SLC35F1: variants seen among roughly 807,000 people sequenced by gnomAD.
SLC35F1 encodes the protein chromosome 6 open reading frame 169.
A neutral mutation model predicts 48.7 loss-of-function variants in SLC35F1; 14 were observed. The ratio of observed to expected loss-of-function variants is 0.29; its 90% CI spans 0.19 to 0.45. SLC35F1 has a LOEUF of 0.45. Among genes scored for constraint, SLC35F1 ranks in the 20% least tolerant of loss-of-function variants. SLC35F1 has a pLI of 1.00. For missense variants in SLC35F1, 404 were observed against 500.0 expected (o/e 0.81, Z 1.83); for synonymous variants, 190 against 202.2 (o/e 0.94, Z 0.51).
chr6:118,216,633 A>C (rs1478295794), intron 2 of SLC35F1, among the ~76,000 whole-genome samples: 1 of 152,080 alleles, frequency 6.6e-6, no homozygotes. Context: ...ATAAGAATTG[A>C]CTATATTTAT....
At chr6:118,202,562 A>G (rs1224893387) in intron 2 of SLC35F1, among the ~76,000 whole-genome samples, 1 of 152,218 alleles carries the variant, frequency 6.6e-6, no homozygotes, top group Admixed American at 6.5e-5. Flanking sequence ...AATCTCCAGT[A>G]TTCACAAAGT....
At chr6:117,975,426 C>T (rs925698861) in intron 1 of SLC35F1, among the ~76,000 whole-genome samples, 3 of 152,114 alleles carry the variant, frequency 2.0e-5, no homozygotes, top group African/African-American at 4.8e-5. Flanking sequence ...TGGCAGCATC[C>T]CAGGAAAAGT....
chr6:118,045,241 AG>A (rs2114905303), intron 1 of SLC35F1, among the ~76,000 whole-genome samples: 1 of 152,260 alleles, frequency 6.6e-6, no homozygotes, highest in South Asian at 2.1e-4. Flanking sequence ...CTTGCAGTAA[AG>A]AGATTTTGAA....
chr6:118,114,915 G>A (rs1195329768), intron 1 of SLC35F1, among the ~76,000 whole-genome samples: 1 of 152,110 alleles, frequency 6.6e-6, no homozygotes, highest in Non-Finnish European at 1.5e-5. Flanking sequence ...ATCACACTGT[G>A]GGAATTAAGT....
At chr6:118,063,388 T>G (rs1324757369) in intron 1 of SLC35F1, among the ~76,000 whole-genome samples, 1 of 150,642 alleles carries the variant, frequency 6.6e-6, no homozygotes, top group Non-Finnish European at 1.5e-5. Context: ...TTTCCTATGG[T>G]TAAGGCACCA....
intron 1 of SLC35F1, among the ~76,000 whole-genome samples, chr6:117,916,506 G>C (rs1425293312): frequency 1.3e-5 from 2 of 152,140 alleles, no homozygotes; most frequent in Non-Finnish European, 2.9e-5. Flanking sequence ...TCATGACCCT[G>C]AAAATCTGTA....
At chr6:118,052,595 A>G (rs1434673298) in intron 1 of SLC35F1, among the ~76,000 whole-genome samples, 1 of 152,226 alleles carries the variant, frequency 6.6e-6, no homozygotes, top group Admixed American at 6.5e-5. Context: ...TTCTTTTCAA[A>G]TCACTTTCGT....
In SLC35F1 at chr6:117,907,484, GGGC is replaced by G. The variant is rs1181529550; in HGVS notation, c.-227_-225del. On this transcript the variant is annotated 5_prime_UTR_variant, in exon 1 of 8. Coordinates refer to ENST00000360388, the MANE Select transcript of SLC35F1 (RefSeq NM_001029858.4). ...GACGCGGCTCGGGAAGAGCCGGGGC[GGGC>G]GGCGGCGGCGGCGGCACGGGCGCGA... 181 of 266,596 alleles carry G rather than the reference GGGC, an allele frequency of 6.8e-4. No homozygotes were observed. Among genetic ancestry groups the G allele is most frequent in the Middle Eastern group, 1.1e-3 (1 of 910 alleles). The allele number at this position is 266,596 out of a possible 1,614,324, so 16.5% of individuals were successfully genotyped here. A position where few individuals can be genotyped will look rare whatever the true frequency, so the allele number is the denominator to read the frequency against.
intron 1 of SLC35F1, among the ~76,000 whole-genome samples, chr6:117,910,815 A>G (rs1473872934): frequency 6.6e-6 from 1 of 152,236 alleles, no homozygotes; most frequent in Non-Finnish European, 1.5e-5. Flanking sequence ...GTCACAGTCT[A>G]CAGGAACAGC....
intron 1 of SLC35F1, among the ~76,000 whole-genome samples, chr6:117,939,716 A>G (rs1776205334): frequency 6.6e-6 from 1 of 152,140 alleles, no homozygotes; most frequent in African/African-American, 2.4e-5. Context: ...TAGGGAGGAG[A>G]TGGTTTTTTA....
At chr6:118,154,966 C>T (rs564179595) in intron 2 of SLC35F1, among the ~76,000 whole-genome samples, 16 of 152,222 alleles carry the variant, frequency 1.1e-4, no homozygotes, top group Middle Eastern at 3.4e-3. Context: ...CTAAATAATG[C>T]TTGCTCTGAG....
intron 1 of SLC35F1, among the ~76,000 whole-genome samples, chr6:118,049,135 T>A (rs1195994001): frequency 6.6e-6 from 1 of 152,176 alleles, no homozygotes; most frequent in Non-Finnish European, 1.5e-5. Context: ...ATTTAATAAA[T>A]GGTGCTGGGA....
At chr6:118,311,274 G>C (rs1454439305) in intron 7 of SLC35F1, among the ~76,000 whole-genome samples, 2 of 152,122 alleles carry the variant, frequency 1.3e-5, no homozygotes, top group East Asian at 1.9e-4. Context: ...GTAGTAGAAA[G>C]GCACTGCATT....
chr6:118,235,933 A>G (rs1775359037), intron 3 of SLC35F1, among the ~76,000 whole-genome samples: 1 of 152,176 alleles, frequency 6.6e-6, no homozygotes, highest in Non-Finnish European at 1.5e-5. Flanking sequence ...TACTATTGAC[A>G]ATGTAAAAAA....
At chr6:118,144,232 A>G (rs912585460) in intron 1 of SLC35F1, among the ~76,000 whole-genome samples, 2 of 152,364 alleles carry the variant, frequency 1.3e-5, no homozygotes, top group Non-Finnish European at 1.5e-5. Flanking sequence ...TGTGGTACAC[A>G]TACACTACAG....
At chr6:118,225,963 A>C (rs1365646891) in intron 2 of SLC35F1, among the ~76,000 whole-genome samples, 1 of 149,548 alleles carries the variant, frequency 6.7e-6, no homozygotes, top group East Asian at 2.0e-4. Flanking sequence ...ATTTGGAAAT[A>C]TTTATTTTAT....
chr6:118,247,887 A>T (rs1322088575), intron 3 of SLC35F1, among the ~76,000 whole-genome samples: 1 of 147,682 alleles, frequency 6.8e-6, no homozygotes, highest in East Asian at 1.9e-4. Context: ...GTTTTAAGTC[A>T]TTTAAGTTTC....
chr6:118,115,073 A>T (rs774546634), intron 1 of SLC35F1, among the ~76,000 whole-genome samples: 1 of 152,194 alleles, frequency 6.6e-6, no homozygotes, highest in African/African-American at 2.4e-5. Context: ...TCTATTGTAT[A>T]CAGAGACACA....
At chr6:117,957,544 G>T (rs1401927473) in intron 1 of SLC35F1, among the ~76,000 whole-genome samples, 1 of 152,176 alleles carries the variant, frequency 6.6e-6, no homozygotes, top group African/African-American at 2.4e-5. Flanking sequence ...TGAGAAATAT[G>T]GAAGATTTAC....
Sources: gnomAD v4.1 joint callset for allele counts (sites outside exome capture counted in the v4.1 genomes callset) on GRCh38, gnomAD v4.1.1 for gene constraint, MANE v1.5 for transcripts, NCBI Gene and HGNC (gene_info 2026-07-23, HGNC 2026-07-21) for gene names.